Variants in CDH4 observed in about 807,000 individuals in gnomAD.
CDH4 encodes cadherin 4.
A neutral mutation model predicts 86.0 loss-of-function variants in CDH4; 33 were observed. The observed-to-expected ratio is 0.38, with a 90% CI of 0.29 to 0.51. CDH4 has a LOEUF of 0.51. CDH4 is among the 20% of genes least tolerant of loss of function. The pLI is 0.86. For synonymous variants in CDH4, 555 were observed against 549.4 expected (o/e 1.01, Z -0.14); for missense variants, 1,114 against 1,307.4 (o/e 0.85, Z 2.28).
At chr20:61,757,644 A>G (rs924209914) in intron 3 of CDH4, among the ~76,000 whole-genome samples, 2 of 152,234 alleles carry the variant, frequency 1.3e-5, no homozygotes, top group African/African-American at 4.8e-5. Context: ...AGACACTGCC[A>G]GGGTCACTGT....
intron 2 of CDH4, among the ~76,000 whole-genome samples, chr20:61,626,641 G>T (rs1261870462): frequency 6.6e-6 from 1 of 152,182 alleles, no homozygotes; most frequent in Non-Finnish European, 1.5e-5. Flanking sequence ...CCCGGGCTTA[G>T]CTAACGTGGG....
At chr20:61,605,000 A>G (rs540407736) in intron 2 of CDH4, among the ~76,000 whole-genome samples, 1 of 152,258 alleles carries the variant, frequency 6.6e-6, no homozygotes, top group African/African-American at 2.4e-5. Context: ...AAATGGTTCC[A>G]TTATTTCAAG....
chr20:61,864,594 C>T (rs1479791045), intron 6 of CDH4, among the ~76,000 whole-genome samples: 3 of 152,258 alleles, frequency 2.0e-5, no homozygotes, highest in South Asian at 2.1e-4. Flanking sequence ...CACAAGGGGC[C>T]GTGGATCCAG....
chr20:61,427,376 G>T (rs1344315498), intron 2 of CDH4, among the ~76,000 whole-genome samples: 1 of 152,218 alleles, frequency 6.6e-6, no homozygotes, highest in East Asian at 1.9e-4. Context: ...AAGGCCAGAG[G>T]CATTAGCAAT....
At chr20:61,369,782 C>G (rs1025826257) in intron 2 of CDH4, 1 of 151,466 alleles carries the variant, frequency 6.6e-6, no homozygotes, top group Non-Finnish European at 1.5e-5. Context: ...CTCGGGGGCA[C>G]TTCAGACAGG....
intron 2 of CDH4, among the ~76,000 whole-genome samples, chr20:61,725,993 T>C (rs1197478074): frequency 6.6e-6 from 1 of 152,156 alleles, no homozygotes; most frequent in Non-Finnish European, 1.5e-5. Context: ...AGCTATCAGC[T>C]CCAACATCTT....
chr20:61,283,458 CGTTTGCACGCGTGTGCTGTG>C (rs2084274088), intron 2 of CDH4, among the ~76,000 whole-genome samples: 17 of 110,620 alleles, frequency 1.5e-4, no homozygotes, highest in Admixed American at 9.9e-4. Context: ...GATGTGTGTG[CGTTTGCACGCGTGTGCTGTG>C]GTGTGTGATG....
chr20:61,838,997 A>G (rs1982011989), intron 4 of CDH4, among the ~76,000 whole-genome samples: 1 of 152,160 alleles, frequency 6.6e-6, no homozygotes, highest in South Asian at 2.1e-4. Flanking sequence ...CCATGGAGAG[A>G]GGGGAACTGC....
At chr20:61,727,457 C>T (rs2088129735) in intron 2 of CDH4, among the ~76,000 whole-genome samples, 1 of 152,202 alleles carries the variant, frequency 6.6e-6, no homozygotes, top group South Asian at 2.1e-4. Context: ...ATCATCATCA[C>T]TGCCAATATC....
At chr20:61,616,066 T>C in intron 2 of CDH4, among the ~76,000 whole-genome samples, 1 of 152,294 alleles carries the variant, frequency 6.6e-6, no homozygotes, top group East Asian at 1.9e-4. Context: ...CCTTGGGAAC[T>C]CAGAGTGAGC....
chr20:61,675,138 G>T (rs148378033), intron 2 of CDH4, among the ~76,000 whole-genome samples: 1 of 152,226 alleles, frequency 6.6e-6, no homozygotes, highest in Non-Finnish European at 1.5e-5. Context: ...CTGTTTTTTG[G>T]CAGAAATCCC....
chr20:61,355,997 A>T (rs28685126), intron 2 of CDH4, among the ~76,000 whole-genome samples: 1 of 152,102 alleles, frequency 6.6e-6, no homozygotes, highest in Non-Finnish European at 1.5e-5. Context: ...AAAGTTTATC[A>T]TGCACTTGGT....
chr20:61,321,400 A>AT, intron 2 of CDH4, among the ~76,000 whole-genome samples: 1 of 151,894 alleles, frequency 6.6e-6, no homozygotes, highest in East Asian at 1.9e-4. Flanking sequence ...TTTGCTGGAA[A>AT]TTTTTTTTTA....
intron 2 of CDH4, among the ~76,000 whole-genome samples, chr20:61,732,544 G>A (rs2088204619): frequency 6.6e-6 from 1 of 152,158 alleles, no homozygotes; most frequent in Non-Finnish European, 1.5e-5. Context: ...CCCTCTGCGG[G>A]GAATGCTCTT....
rs900944513 is a variant in CDH4 at position 61,661,085 on chromosome 20, G to C, written c.170-82478G>C. Among the ~76,000 whole-genome samples the C allele has an allele frequency of 1.6e-4, 5 of 31,354 alleles. No individual in the cohort carries two copies. The East Asian group carries it at 0.011, about 66-fold the overall frequency. 20.6% of individuals were successfully genotyped at this position (31,354 alleles called of 152,430 possible). A position where few individuals can be genotyped will look rare whatever the true frequency, so the allele number is the denominator to read the frequency against. On this transcript the variant is annotated intron_variant, in intron 2 of 15. Coordinates refer to ENST00000614565, the MANE Select transcript of CDH4 (RefSeq NM_001794.5). ...AGGCGGCATGGACAGGAGGCATGGCGGGGGGGGGGGAGACACAGTGCCAGG... is the reference window on the plus strand; with the variant it reads ...AGGCGGCATGGACAGGAGGCATGGCCGGGGGGGGGGAGACACAGTGCCAGG...
chr20:61,730,945 G>A (rs551979799), intron 2 of CDH4, among the ~76,000 whole-genome samples: 19 of 146,674 alleles, frequency 1.3e-4, no homozygotes, highest in South Asian at 2.3e-4. Flanking sequence ...CAGGGGCTCC[G>A]GCTCCCACGT....
At chr20:61,373,215 G>A (rs2084849920) in intron 2 of CDH4, among the ~76,000 whole-genome samples, 1 of 152,016 alleles carries the variant, frequency 6.6e-6, no homozygotes. Flanking sequence ...CGGCCCCGTA[G>A]CCTGGAACAA....
In CDH4 at chr20:61,634,732, C is replaced by T. The variant is rs555045415; in HGVS notation, c.170-108831C>T. Among the ~76,000 whole-genome samples, 7 of 152,346 alleles carry T rather than the reference C, an allele frequency of 4.6e-5. No homozygotes were observed. The South Asian group carries it at 1.5e-3, about 32-fold the overall frequency. On this transcript the variant is annotated intron_variant, in intron 2 of 15. Transcript: ENST00000614565. ...GAGCTCTGCGGCGTTAGTGTATTCA[C>T]ATAGCTGTGCGGACATCACCTCCTC...
At chr20:61,665,283 C>T (rs938945064) in intron 2 of CDH4, among the ~76,000 whole-genome samples, 4 of 152,252 alleles carry the variant, frequency 2.6e-5, no homozygotes, top group Non-Finnish European at 5.9e-5. Context: ...CCAGGGCTCC[C>T]GCCCTTCAAT....
Sources: gnomAD v4.1 joint callset for allele counts (sites outside exome capture counted in the v4.1 genomes callset) on GRCh38, gnomAD v4.1.1 for gene constraint, MANE v1.5 for transcripts, NCBI Gene and HGNC (gene_info 2026-07-23, HGNC 2026-07-21) for gene names.